S100Z: variants seen among roughly 807,000 people sequenced by gnomAD.
The protein encoded by S100Z is S100 calcium binding protein Z.
A neutral mutation model predicts 8.5 loss-of-function variants in S100Z; 11 were observed. The ratio of observed to expected loss-of-function variants is 1.30; its 90% CI spans 0.82 to 2.15. The LOEUF is 2.15. S100Z is among the 30% of genes most tolerant of loss of function. The pLI, the probability that S100Z is intolerant of heterozygous loss-of-function variation, is 0.00. For synonymous variants in S100Z, 34 were observed against 43.8 expected, an observed-to-expected ratio of 0.78 and a Z score of 0.89; for missense variants, 126 against 117.9, an observed-to-expected ratio of 1.07 and a Z score of -0.32.
chr5:76,924,636 G>T (rs1393329980), downstream of S100Z, among the ~76,000 whole-genome samples: 1 of 152,206 alleles, frequency 6.6e-6, no homozygotes, highest in African/African-American at 2.4e-5. Context: ...TGGGCCGGGT[G>T]TGGTGGCTCA....
chr5:76,926,190 C>T (rs1304124139), downstream of S100Z, among the ~76,000 whole-genome samples: 1 of 151,878 alleles, frequency 6.6e-6, no homozygotes, highest in Admixed American at 6.6e-5. Context: ...GGAGTATACT[C>T]TGGCCTAACT....
intron 4 of S100Z, among the ~76,000 whole-genome samples, chr5:76,902,628 G>GT (rs150345707): frequency 5.3e-4 from 79 of 148,664 alleles, no homozygotes; most frequent in African/African-American, 1.8e-3. Context: ...ATGAAGGTGG[G>GT]TTTTTTTTGT....
chr5:76,914,619 G>T (rs1044301260), intron 4 of S100Z, among the ~76,000 whole-genome samples: 19 of 152,048 alleles, frequency 1.2e-4, no homozygotes, highest in Non-Finnish European at 2.4e-4. Flanking sequence ...TACCGTGAAG[G>T]TCTGCAGCTT....
chr5:76,899,569 C>A (rs1373952138), intron 4 of S100Z, among the ~76,000 whole-genome samples: 1 of 151,900 alleles, frequency 6.6e-6, no homozygotes, highest in African/African-American at 2.4e-5. Flanking sequence ...ATGTTATAAC[C>A]CATTATTTTA....
At chr5:76,936,059 G>A in the S100Z span, among the ~76,000 whole-genome samples, 2 of 152,142 alleles carry the variant, frequency 1.3e-5, no homozygotes, top group Non-Finnish European at 2.9e-5. Context: ...TTACAGGCGT[G>A]AGCCACCGTG....
At chr5:76,936,757 G>A in the S100Z span, among the ~76,000 whole-genome samples, 1 of 152,060 alleles carries the variant, frequency 6.6e-6, no homozygotes, top group South Asian at 2.1e-4. Flanking sequence ...GCTGCAGTAG[G>A]TAAATGAACC....
At chr5:76,928,285 A>G in the S100Z span, among the ~76,000 whole-genome samples, 1 of 152,216 alleles carries the variant, frequency 6.6e-6, no homozygotes, top group Admixed American at 6.5e-5. Flanking sequence ...TGAACATATA[A>G]GCTGCAAAAA....
At chr5:76,873,956 C>A (rs1743094642) in intron 2 of S100Z, among the ~76,000 whole-genome samples, 2 of 152,116 alleles carry the variant, frequency 1.3e-5, no homozygotes, top group African/African-American at 2.4e-5. Context: ...GTAATACATT[C>A]CTATAACTGA....
At chr5:76,929,521 T>C in the S100Z span, among the ~76,000 whole-genome samples, 2,874 of 152,308 alleles carry the variant, frequency 0.019, 33 homozygotes, top group Middle Eastern at 0.051. Flanking sequence ...CAAATATAAG[T>C]GCATGACAAT....
In S100Z at chr5:76,875,500, G is replaced by T; in HGVS notation, c.141G>T (p.Ser47=). The T allele has an allele frequency of 6.2e-7, 1 of 1,605,708 alleles. No individual in the cohort carries two copies. Among genetic ancestry groups the T allele is most frequent in the Non-Finnish European group, 8.5e-7 (1 of 1,176,728 alleles). ...LLQRELTEFL[S]CQKETQLVDK... Reference sequence around the variant, plus strand: ...AGCGAGAGCTCACGGAATTCCTCTCGGTGAGTCAGGCCTTTGTAAATGCTG... The same window carrying T: ...AGCGAGAGCTCACGGAATTCCTCTCTGTGAGTCAGGCCTTTGTAAATGCTG... The change falls in exon 3 of 5, where the codon TCG becomes TCT. Residue 47 remains serine, a splice_region_variant and synonymous_variant. Coordinates refer to ENST00000317593, the MANE Select transcript of S100Z (RefSeq NM_130772.4).
chr5:76,874,188 G>A (rs1220716394), intron 2 of S100Z, among the ~76,000 whole-genome samples: 4 of 150,428 alleles, frequency 2.7e-5, no homozygotes, highest in Non-Finnish European at 5.9e-5. Flanking sequence ...AGTGCGTGGA[G>A]CACTTCCTCT....
At chr5:76,948,580 G>GCTCAATAT in the S100Z span, among the ~76,000 whole-genome samples, 1 of 152,108 alleles carries the variant, frequency 6.6e-6, no homozygotes, top group South Asian at 2.1e-4. Flanking sequence ...ATGAAAAGAT[G>GCTCAATAT]CTCAATATCA....
intron 1 of S100Z, among the ~76,000 whole-genome samples, chr5:76,859,211 G>T (rs950442042): frequency 3.3e-5 from 5 of 152,102 alleles, no homozygotes. Context: ...AACATATGAT[G>T]CTCATATAAT....
chr5:76,856,011 C>A (rs1467751738), intron 1 of S100Z, among the ~76,000 whole-genome samples: 1 of 152,052 alleles, frequency 6.6e-6, no homozygotes, highest in African/African-American at 2.4e-5. Context: ...TCTGGTTGTT[C>A]AAAAGTATGT....
intron 1 of S100Z, among the ~76,000 whole-genome samples, chr5:76,868,113 A>G (rs955859748): frequency 1.3e-5 from 2 of 152,172 alleles, no homozygotes; most frequent in Non-Finnish European, 2.9e-5. Flanking sequence ...CTAGCCTGAC[A>G]GATTCTTTTT....
At chr5:76,912,989 AAAG>A (rs1475214836) in intron 4 of S100Z, among the ~76,000 whole-genome samples, 6 of 152,184 alleles carry the variant, frequency 3.9e-5, no homozygotes, top group African/African-American at 9.7e-5. Flanking sequence ...AGAAGGAGAC[AAAG>A]AAGAAGTCAA....
At chr5:76,917,998 A>G (rs1455701400) in intron 4 of S100Z, among the ~76,000 whole-genome samples, 5 of 152,152 alleles carry the variant, frequency 3.3e-5, no homozygotes, top group African/African-American at 7.2e-5. Context: ...ATATCTGTGT[A>G]GTCTTTAGGG....
chr5:76,852,642 G>C (rs778891638), intron 1 of S100Z, among the ~76,000 whole-genome samples: 27 of 152,120 alleles, frequency 1.8e-4, no homozygotes, highest in Non-Finnish European at 2.8e-4. Flanking sequence ...CCCAGGAGGC[G>C]GAGGTTGCAG....
the S100Z span, among the ~76,000 whole-genome samples, chr5:76,950,531 A>G: frequency 6.6e-6 from 1 of 152,200 alleles, no homozygotes; most frequent in Non-Finnish European, 1.5e-5. Context: ...TCTTATTCCT[A>G]CCTAACAAAA....
Sources: gnomAD v4.1 joint callset for allele counts (sites outside exome capture counted in the v4.1 genomes callset) on GRCh38, gnomAD v4.1.1 for gene constraint, MANE v1.5 for transcripts, NCBI Gene and HGNC (gene_info 2026-07-23, HGNC 2026-07-21) for gene names.